Variants in PDE10A observed in about 807,000 individuals in gnomAD.
PDE10A encodes cAMP and cAMP-inhibited cGMP 3',5'-cyclic phosphodiesterase 10A.
PDE10A carries 39 observed loss-of-function variants against 97.7 expected under a neutral mutation model. The ratio of observed to expected loss-of-function variants is 0.40; its 90% CI spans 0.31 to 0.52. PDE10A has a LOEUF of 0.52. PDE10A is among the 20% of genes least tolerant of loss of function. The probability of loss-of-function intolerance (pLI) is 0.56; values close to 1 mark genes in which losing one functional copy is unlikely to be tolerated. For synonymous variants in PDE10A, 371 were observed against 376.8 expected (o/e 0.98, Z 0.18); for missense variants, 731 against 1,047.8 (o/e 0.70, Z 4.17).
intron 1 of PDE10A, among the ~76,000 whole-genome samples, chr6:165,791,653 C>T (rs574834576): frequency 7.9e-5 from 12 of 152,276 alleles, no homozygotes; most frequent in South Asian, 2.1e-4. Context: ...TAGGGAAGGA[C>T]GAAGATCAGC....
intron 1 of PDE10A, among the ~76,000 whole-genome samples, chr6:165,555,416 T>TTA (rs1784206391): frequency 6.6e-6 from 1 of 152,104 alleles, no homozygotes; most frequent in South Asian, 2.1e-4. Flanking sequence ...CTCCATAGGG[T>TTA]TATAATCCAT....
intron 3 of PDE10A, among the ~76,000 whole-genome samples, chr6:165,455,054 T>A (rs1209326701): frequency 6.6e-6 from 1 of 152,126 alleles, no homozygotes; most frequent in Admixed American, 6.5e-5. Flanking sequence ...CGGCAGCCAT[T>A]TGCCTGGGTG....
At chr6:165,347,182 C>T (rs1258814160) in intron 18 of PDE10A, among the ~76,000 whole-genome samples, 1 of 151,802 alleles carries the variant, frequency 6.6e-6, no homozygotes, top group African/African-American at 2.4e-5. Context: ...GTAATAACTA[C>T]TATACCTTCA....
intron 1 of PDE10A, among the ~76,000 whole-genome samples, chr6:165,735,699 T>C (rs1792559610): frequency 6.6e-6 from 1 of 152,144 alleles, no homozygotes; most frequent in South Asian, 2.1e-4. Flanking sequence ...CAGGCCTTCA[T>C]CTGATTGGAT....
Position 165,448,839 on chromosome 6 carries a change from T to A in PDE10A, c.1194+89A>T, listed in dbSNP as rs1791060550. ...AATGATTTAAATGAAAAGTACTTAA[T>A]CATGAAATGTCGGTTGTTTATAACT... On this transcript the variant is annotated intron_variant, in intron 5 of 21. Coordinates refer to ENST00000539869, the MANE Select transcript of PDE10A (RefSeq NM_001385079.1). 17 of 788,540 alleles carry A rather than the reference T, an allele frequency of 2.2e-5. No homozygotes were observed. In the South Asian group the frequency reaches 2.8e-4, roughly 13 times the overall value. The allele number at this position is 788,540 out of a possible 1,614,324, so 48.8% of individuals were successfully genotyped here.
chr6:165,614,083 G>A (rs932186729), intron 1 of PDE10A, among the ~76,000 whole-genome samples: 1 of 152,106 alleles, frequency 6.6e-6, no homozygotes, highest in South Asian at 2.1e-4. Flanking sequence ...CAGACATCTC[G>A]CAAACATTTC....
intron 1 of PDE10A, among the ~76,000 whole-genome samples, chr6:165,862,692 T>TTC (rs1197641679): frequency 2.5e-5 from 2 of 80,520 alleles, no homozygotes; most frequent in African/African-American, 1.0e-4. Context: ...TTTTTTTTTT[T>TTC]TTTTTGAGAC....
chr6:165,958,472 GAAA>G, intron 1 of PDE10A, among the ~76,000 whole-genome samples: 1 of 132,768 alleles, frequency 7.5e-6, no homozygotes, highest in East Asian at 2.0e-4. Flanking sequence ...AAGAAAGAAA[GAAA>G]GAAAGAGAGA....
chr6:165,867,437 T>C (rs181845437), intron 1 of PDE10A, among the ~76,000 whole-genome samples: 3 of 151,982 alleles, frequency 2.0e-5, no homozygotes, highest in Admixed American at 2.0e-4. Context: ...ACAAAGAAGG[T>C]CATTATATAA....
intron 1 of PDE10A, among the ~76,000 whole-genome samples, chr6:165,875,747 T>TTTTTTTTTTTTTTTTTTTTTTTTGC (rs1781324993): frequency 7.5e-6 from 1 of 133,126 alleles, no homozygotes; most frequent in African/African-American, 3.0e-5. Flanking sequence ...TTTTTTTTTT[T>TTTTTTTTTTTTTTTTTTTTTTTTGC]GTGTGTGTGT....
chr6:165,460,782 T>C (rs1778276826), intron 3 of PDE10A, among the ~76,000 whole-genome samples: 1 of 152,104 alleles, frequency 6.6e-6, no homozygotes, highest in South Asian at 2.1e-4. Flanking sequence ...GGAGCACAAG[T>C]TCTAATTCCA....
chr6:165,720,160 G>T (rs754574555), intron 1 of PDE10A, among the ~76,000 whole-genome samples: 6 of 152,214 alleles, frequency 3.9e-5, no homozygotes, highest in Non-Finnish European at 7.3e-5. Flanking sequence ...GGAAGTGGCT[G>T]TTCCGTGTGG....
At chr6:165,982,888 A>G (rs1785062294) in intron 1 of PDE10A, among the ~76,000 whole-genome samples, 1 of 152,218 alleles carries the variant, frequency 6.6e-6, no homozygotes, top group Non-Finnish European at 1.5e-5. Context: ...AAACAAAACA[A>G]AACAAAAATT....
At chr6:165,871,762 C>A (rs997951079) in intron 1 of PDE10A, among the ~76,000 whole-genome samples, 1 of 152,080 alleles carries the variant, frequency 6.6e-6, no homozygotes, top group African/African-American at 2.4e-5. Context: ...CCAGGGGTGA[C>A]GACTGAGGGT....
intron 1 of PDE10A, chr6:165,718,433 G>C (rs973287613): frequency 3.3e-5 from 5 of 152,036 alleles, no homozygotes; most frequent in African/African-American, 1.2e-4. Flanking sequence ...AGAAACAAAG[G>C]GTTTATGCTT....
chr6:165,496,770 G>A (rs1296627232), intron 2 of PDE10A, among the ~76,000 whole-genome samples: 1 of 152,096 alleles, frequency 6.6e-6, no homozygotes, highest in Non-Finnish European at 1.5e-5. Flanking sequence ...TTTTTATTTG[G>A]TCACAAAAAG....
chr6:165,687,174 A>G (rs1791145339), intron 1 of PDE10A, among the ~76,000 whole-genome samples: 1 of 152,218 alleles, frequency 6.6e-6, no homozygotes, highest in Non-Finnish European at 1.5e-5. Context: ...CTCTGGCAGG[A>G]AGGGCCCCTC....
intron 1 of PDE10A, among the ~76,000 whole-genome samples, chr6:165,756,607 G>A (rs1793122928): frequency 6.6e-6 from 1 of 151,992 alleles, no homozygotes; most frequent in Non-Finnish European, 1.5e-5. Context: ...TGCACGGATG[G>A]CCAATTTCAC....
At chr6:165,587,193 G>C (rs913673122) in intron 1 of PDE10A, among the ~76,000 whole-genome samples, 6 of 152,306 alleles carry the variant, frequency 3.9e-5, no homozygotes, top group South Asian at 2.1e-4. Context: ...GAACAAAGAA[G>C]ACAGTAAATA....
Sources: allele counts gnomAD v4.1 joint callset (sites outside exome capture counted in the v4.1 genomes callset), GRCh38; gene constraint gnomAD v4.1.1; transcripts MANE v1.5; gene names NCBI Gene and HGNC (gene_info 2026-07-23, HGNC 2026-07-21).